PCDH15: variants seen among roughly 807,000 people sequenced by gnomAD.
PCDH15 encodes the protein protocadherin related 15.
In PCDH15, 129 loss-of-function variants were observed where a neutral mutation model predicts 178.5. That is an observed-to-expected ratio of 0.72 (90% confidence interval 0.63 to 0.84). The LOEUF (loss-of-function observed/expected upper bound fraction) is 0.84, where lower values mean the gene tolerates loss of function less well. Ranked by LOEUF, PCDH15 falls within the 40% of genes least tolerant of loss-of-function variation. PCDH15 has a pLI of 0.00. For synonymous variants in PCDH15, 800 were observed against 732.0 expected, an observed-to-expected ratio of 1.09 and a Z score of -1.50; for missense variants, 2,230 against 2,099.9, an observed-to-expected ratio of 1.06 and a Z score of -1.21.
intron 1 of PCDH15, among the ~76,000 whole-genome samples, chr10:55,276,401 T>A (rs1842596988): frequency 6.6e-6 from 1 of 151,246 alleles, no homozygotes; most frequent in African/African-American, 2.4e-5. Flanking sequence ...TCATAGTATT[T>A]CTAATTTGCT....
At chr10:55,360,436 A>T (rs1845200374) in intron 2 of PCDH15, among the ~76,000 whole-genome samples, 1 of 152,002 alleles carries the variant, frequency 6.6e-6, no homozygotes, top group South Asian at 2.1e-4. Flanking sequence ...GACCATTAAG[A>T]CAGTAAGTAC....
intron 2 of PCDH15, among the ~76,000 whole-genome samples, chr10:55,042,937 A>T (rs1331240543): frequency 6.6e-6 from 1 of 152,040 alleles, no homozygotes; most frequent in Non-Finnish European, 1.5e-5. Flanking sequence ...TAAGCTAAAA[A>T]TAATTTTACT....
chr10:54,858,758 T>G (rs1397254838), intron 3 of PCDH15, among the ~76,000 whole-genome samples: 1 of 152,062 alleles, frequency 6.6e-6, no homozygotes, highest in Non-Finnish European at 1.5e-5. Context: ...TAATTATATA[T>G]ACATATGCAT....
At chr10:55,306,196 A>C (rs886675380) in intron 1 of PCDH15, among the ~76,000 whole-genome samples, 1 of 152,218 alleles carries the variant, frequency 6.6e-6, no homozygotes, top group African/African-American at 2.4e-5. Context: ...AAAAAGAATC[A>C]ACCATGAGCC....
At chr10:55,299,940 G>A (rs1843230707) in intron 1 of PCDH15, among the ~76,000 whole-genome samples, 1 of 152,224 alleles carries the variant, frequency 6.6e-6, no homozygotes, top group East Asian at 1.9e-4. Context: ...AAAGAATACA[G>A]AATTATATAA....
chr10:54,261,551 A>G (rs1237038898), intron 8 of PCDH15, among the ~76,000 whole-genome samples: 1 of 152,158 alleles, frequency 6.6e-6, no homozygotes, highest in East Asian at 1.9e-4. Context: ...TGCAAGTATT[A>G]AAAATAATGT....
At chr10:53,831,026 TAAAC>T in intron 30 of PCDH15, 1 of 580,226 alleles carries the variant, frequency 1.7e-6, no homozygotes, top group Non-Finnish European at 3.2e-6. Flanking sequence ...AGTTGGCTCT[TAAAC>T]AAAAGAAGAG....
intron 2 of PCDH15, among the ~76,000 whole-genome samples, chr10:55,479,564 G>A (rs924041451): frequency 7.3e-5 from 11 of 151,424 alleles, no homozygotes; most frequent in Admixed American, 2.6e-4. Flanking sequence ...ACATTATACC[G>A]AATGAGGAAA....
chr10:54,678,483 G>C (rs1267290284), intron 1 of PCDH15, among the ~76,000 whole-genome samples: 1 of 152,088 alleles, frequency 6.6e-6, no homozygotes, highest in Admixed American at 6.6e-5. Flanking sequence ...GCAACACTAA[G>C]ACTGGCATTT....
intron 21 of PCDH15, among the ~76,000 whole-genome samples, chr10:53,972,428 A>C (rs1304171312): frequency 6.6e-6 from 1 of 152,226 alleles, no homozygotes; most frequent in African/African-American, 2.4e-5. Context: ...AAAAGCCAAA[A>C]TTGACAAATT....
chr10:55,383,942 A>G (rs1488887243), intron 2 of PCDH15, among the ~76,000 whole-genome samples: 2 of 152,208 alleles, frequency 1.3e-5, no homozygotes, highest in Non-Finnish European at 2.9e-5. Context: ...ATTATGTTTT[A>G]AACATATAAA....
At chr10:54,510,996 G>A (rs917742499) in intron 3 of PCDH15, among the ~76,000 whole-genome samples, 4 of 152,118 alleles carry the variant, frequency 2.6e-5, no homozygotes, top group African/African-American at 9.7e-5. Flanking sequence ...TCAGAGTGAT[G>A]GTTAGCGTGC....
At chr10:55,577,592 T>C (rs1307865382) in intron 2 of PCDH15, among the ~76,000 whole-genome samples, 3 of 152,098 alleles carry the variant, frequency 2.0e-5, no homozygotes, top group Non-Finnish European at 4.4e-5. Context: ...TTGTTTTATA[T>C]AAAAACGAAA....
chr10:55,507,212 C>T (rs1292532371), intron 2 of PCDH15, among the ~76,000 whole-genome samples: 2 of 151,480 alleles, frequency 1.3e-5, no homozygotes, highest in East Asian at 3.9e-4. Context: ...ATGTATCAGG[C>T]AAATAAACAT....
In PCDH15 at chr10:54,786,883, G is replaced by T. The variant is rs115993858; in HGVS notation, c.-29+14042C>A. Among the ~76,000 whole-genome samples the T allele has an allele frequency of 1.8e-3, 277 of 151,630 alleles. 1 individual carries two copies. The highest frequency in any genetic ancestry group is 6.3e-3 in the African/African-American group (262 of 41,394). On this transcript the variant is annotated intron_variant, in intron 1 of 37. Coordinates refer to ENST00000644397, the MANE Select transcript of PCDH15 (RefSeq NM_001384140.1). ...AGGTCTTCATATTATTATTACAATT[G>T]TTCTTTTATAACTTGTATCCATTGC... is the stretch of plus-strand genomic sequence containing the variant.
chr10:54,537,468 G>T (rs1398871532), intron 2 of PCDH15, among the ~76,000 whole-genome samples: 1 of 151,916 alleles, frequency 6.6e-6, no homozygotes, highest in Non-Finnish European at 1.5e-5. Context: ...AAGACACAAG[G>T]AACAAAGAAA....
chr10:54,340,629 A>G (rs1348965609), intron 6 of PCDH15, among the ~76,000 whole-genome samples: 3 of 152,178 alleles, frequency 2.0e-5, no homozygotes, highest in Non-Finnish European at 4.4e-5. Flanking sequence ...AAAAAGTTTT[A>G]GAGCAGGAAT....
At chr10:53,968,421 G>A (rs1774393998) in intron 21 of PCDH15, among the ~76,000 whole-genome samples, 1 of 152,190 alleles carries the variant, frequency 6.6e-6, no homozygotes, top group South Asian at 2.1e-4. Context: ...CTCCACCTCT[G>A]GGGGCAGGGC....
intron 26 of PCDH15, among the ~76,000 whole-genome samples, chr10:53,874,329 C>A (rs1589193613): frequency 6.6e-6 from 1 of 152,152 alleles, no homozygotes; most frequent in Admixed American, 6.6e-5. Flanking sequence ...CTACTATCAC[C>A]CCAAACTGCA....
Sources: gnomAD v4.1 joint callset for allele counts (sites outside exome capture counted in the v4.1 genomes callset) on GRCh38, gnomAD v4.1.1 for gene constraint, MANE v1.5 for transcripts, NCBI Gene and HGNC (gene_info 2026-07-23, HGNC 2026-07-21) for gene names.